RBFOX1: variants seen among roughly 807,000 people sequenced by gnomAD.
RBFOX1 encodes the protein RNA binding protein fox-1 homolog 1.
RBFOX1 carries 8 observed loss-of-function variants against 57.7 expected under a neutral mutation model. That is an observed-to-expected ratio of 0.14 (90% CI 0.08 to 0.25). RBFOX1 has a LOEUF of 0.25. Among genes scored for constraint, RBFOX1 ranks in the 10% least tolerant of loss-of-function variants. The probability of loss-of-function intolerance (pLI) is 1.00; values close to 1 mark genes in which losing one functional copy is unlikely to be tolerated. For missense variants in RBFOX1, 611 were observed against 548.5 expected (o/e 1.11, Z -1.14); for synonymous variants, 326 against 222.4 (o/e 1.47, Z -4.15).
intron 10 of RBFOX1, among the ~76,000 whole-genome samples, chr16:7,611,720 T>G (rs1382024875): frequency 2.6e-5 from 4 of 152,158 alleles, no homozygotes; most frequent in African/African-American, 7.2e-5. Context: ...AATTACTATT[T>G]GCATTGATAA....
intron 1 of RBFOX1, among the ~76,000 whole-genome samples, chr16:6,046,792 A>C (rs561590370): frequency 2.6e-5 from 4 of 152,284 alleles, no homozygotes; most frequent in South Asian, 2.1e-4. Context: ...CATCTGGCCA[A>C]AGTCAGTGTG....
intron 1 of RBFOX1, among the ~76,000 whole-genome samples, chr16:5,265,098 A>C (rs1404134344): frequency 6.6e-6 from 1 of 152,166 alleles, no homozygotes; most frequent in Non-Finnish European, 1.5e-5. Context: ...TCTCAAATTA[A>C]AAAAATATTT....
chr16:5,312,259 C>G (rs2064111998), intron 1 of RBFOX1, among the ~76,000 whole-genome samples: 1 of 152,196 alleles, frequency 6.6e-6, no homozygotes, highest in Admixed American at 6.5e-5. Context: ...GGGAGGTATC[C>G]TCCAGGGCTG....
chr16:7,606,012 T>C (rs973030947), intron 9 of RBFOX1, among the ~76,000 whole-genome samples: 1 of 152,102 alleles, frequency 6.6e-6, no homozygotes, highest in Non-Finnish European at 1.5e-5. Flanking sequence ...TTCGCCATGC[T>C]GGACAGGCTG....
At chr16:5,433,431 C>G (rs1567504300) in intron 1 of RBFOX1, among the ~76,000 whole-genome samples, 1 of 152,102 alleles carries the variant, frequency 6.6e-6, no homozygotes, top group East Asian at 1.9e-4. Context: ...TAGCTCAAGA[C>G]TGTTTGAGTG....
chr16:6,054,240 A>G (rs1363485783), intron 1 of RBFOX1, among the ~76,000 whole-genome samples: 1 of 152,094 alleles, frequency 6.6e-6, no homozygotes, highest in Non-Finnish European at 1.5e-5. Flanking sequence ...ATAATATAAT[A>G]TGTTTTTTTG....
chr16:6,447,787 AC>A (rs1390198363), intron 2 of RBFOX1, among the ~76,000 whole-genome samples: 1 of 152,182 alleles, frequency 6.6e-6, no homozygotes, highest in Non-Finnish European at 1.5e-5. Context: ...AGTAAATTAA[AC>A]CTTTTATTCA....
At chr16:5,932,300 G>A (rs902627968) in intron 4 of RBFOX1, among the ~76,000 whole-genome samples, 1 of 152,254 alleles carries the variant, frequency 6.6e-6, no homozygotes, top group African/African-American at 2.4e-5. Context: ...CAGAAGGTCT[G>A]TGGGACTGAG....
chr16:6,662,130 G>GA (rs2098705350), intron 3 of RBFOX1, among the ~76,000 whole-genome samples: 1 of 70,790 alleles, frequency 1.4e-5, no homozygotes, highest in Admixed American at 1.6e-4. Context: ...GAGGGCTGGG[G>GA]GCGGGGTGAA....
intron 3 of RBFOX1, among the ~76,000 whole-genome samples, chr16:6,859,187 A>ATATATATATACGTATATATATG: frequency 1.6e-5 from 1 of 64,018 alleles, no homozygotes; most frequent in South Asian, 5.8e-4. Context: ...ATATATATGT[A>ATATATATATACGTATATATATG]TATATATATG....
intron 1 of RBFOX1, among the ~76,000 whole-genome samples, chr16:6,116,145 C>A (rs1391425347): frequency 6.6e-6 from 1 of 152,026 alleles, no homozygotes; most frequent in Non-Finnish European, 1.5e-5. Flanking sequence ...TGGAAACCAT[C>A]ATTCTCAGCA....
At chr16:7,122,341 C>CTTGA (rs1263120101) in intron 4 of RBFOX1, among the ~76,000 whole-genome samples, 3 of 151,996 alleles carry the variant, frequency 2.0e-5, no homozygotes, top group Non-Finnish European at 4.4e-5. Context: ...GGGAAAAAGA[C>CTTGA]TTGAATAGTC....
intron 1 of RBFOX1, among the ~76,000 whole-genome samples, chr16:6,090,838 G>T (rs901255257): frequency 9.9e-5 from 15 of 152,254 alleles, no homozygotes; most frequent in African/African-American, 2.6e-4. Context: ...AGGGGTGAGA[G>T]CAGAGGGGAA....
At chr16:6,963,709 A>T (rs770022955) in intron 3 of RBFOX1, among the ~76,000 whole-genome samples, 54 of 151,914 alleles carry the variant, frequency 3.6e-4, no homozygotes, top group Admixed American at 2.3e-3. Context: ...TATTATTATT[A>T]TTTTTTTGAG....
At chr16:5,302,712 G>A (rs926715279) in intron 1 of RBFOX1, among the ~76,000 whole-genome samples, 3 of 152,050 alleles carry the variant, frequency 2.0e-5, no homozygotes, top group African/African-American at 7.2e-5. Context: ...TTGTCTTGAG[G>A]TTTATTTTGT....
intron 4 of RBFOX1, among the ~76,000 whole-genome samples, chr16:5,888,720 C>T (rs556026012): frequency 9.1e-4 from 134 of 146,610 alleles, no homozygotes; most frequent in African/African-American, 3.2e-3. Flanking sequence ...TGCTTGAATC[C>T]GGGAGGTGGA....
chr16:7,252,729 G>A (rs1232742649), intron 4 of RBFOX1, among the ~76,000 whole-genome samples: 4 of 148,940 alleles, frequency 2.7e-5, no homozygotes, highest in South Asian at 2.1e-4. Flanking sequence ...GTCACCCAAC[G>A]CTAAAGGTAT....
chr16:5,793,561 C>T (rs2054775397), intron 3 of RBFOX1, among the ~76,000 whole-genome samples: 2 of 152,156 alleles, frequency 1.3e-5, no homozygotes, highest in African/African-American at 4.8e-5. Flanking sequence ...GGTGGGCGTC[C>T]CTCCCTCTTC....
chr16:5,777,160 C>G (rs1407348228), intron 3 of RBFOX1, among the ~76,000 whole-genome samples: 2 of 152,174 alleles, frequency 1.3e-5, no homozygotes, highest in Non-Finnish European at 2.9e-5. Flanking sequence ...GTCCCAAAAT[C>G]AGCAAGGTTG....
Sources: allele counts gnomAD v4.1 joint callset (sites outside exome capture counted in the v4.1 genomes callset), GRCh38; gene constraint gnomAD v4.1.1; transcripts MANE v1.5; gene names NCBI Gene and HGNC (gene_info 2026-07-23, HGNC 2026-07-21).